PTBP2: variants seen among roughly 807,000 people sequenced by gnomAD.
PTBP2 encodes polypyrimidine tract-binding protein 2.
A neutral mutation model predicts 61.4 loss-of-function variants in PTBP2; 13 were observed. That is an observed-to-expected ratio of 0.21 (90% CI 0.14 to 0.34). The LOEUF (loss-of-function observed/expected upper bound fraction) is 0.34. Ranked by LOEUF, PTBP2 falls within the 10% of genes least tolerant of loss-of-function variation. The pLI, the probability that PTBP2 is intolerant of heterozygous loss-of-function variation, is 1.00. For synonymous variants in PTBP2, 215 were observed against 218.5 expected, an observed-to-expected ratio of 0.98 and a Z score of 0.14; for missense variants, 405 against 642.6, an observed-to-expected ratio of 0.63 and a Z score of 4.00.
At chr1:96,766,082 G>A (rs1656671724) in intron 3 of PTBP2, among the ~76,000 whole-genome samples, 1 of 152,166 alleles carries the variant, frequency 6.6e-6, no homozygotes, top group Non-Finnish European at 1.5e-5. Flanking sequence ...GTCAGCAGGA[G>A]AAAAGTGATG....
downstream of PTBP2, chr1:96,816,947 T>G (rs138608317): frequency 1.3e-5 from 2 of 152,278 alleles, no homozygotes; most frequent in African/African-American, 4.8e-5. Context: ...TAATATGTCT[T>G]TTTGCTACAA....
intron 3 of PTBP2, among the ~76,000 whole-genome samples, chr1:96,762,795 G>A (rs371271380): frequency 5.9e-5 from 9 of 151,866 alleles, no homozygotes; most frequent in Admixed American, 2.6e-4. Context: ...CGTGGCTGCC[G>A]GGCGGAGGGG....
At chr1:96,811,826 A>G (rs1191675908) in intron 11 of PTBP2, among the ~76,000 whole-genome samples, 4 of 152,246 alleles carry the variant, frequency 2.6e-5, no homozygotes, top group African/African-American at 9.6e-5. Flanking sequence ...TGACTGGTGA[A>G]TAAAACATAT....
chr1:96,806,288 A>C, intron 9 of PTBP2, 131 bp from the exon 10 acceptor site: 2 of 788,126 alleles, frequency 2.5e-6, no homozygotes, highest in Non-Finnish European at 4.4e-6. Context: ...AACCGCCTTG[A>C]ACCATGATCC....
At chr1:96,818,040 G>A (rs1214419059), downstream of PTBP2, 3 of 151,956 alleles carry the variant, frequency 2.0e-5, no homozygotes, top group Non-Finnish European at 4.4e-5. Flanking sequence ...TGTAAACAAG[G>A]AGCTATATCA....
intron 2 of PTBP2, among the ~76,000 whole-genome samples, chr1:96,739,313 AC>A (rs1207480648): frequency 6.6e-6 from 1 of 152,136 alleles, no homozygotes; most frequent in Non-Finnish European, 1.5e-5. Context: ...GTACAAAAAA[AC>A]ACATAAAATT....
At chr1:96,734,665 G>A (rs529259916) in intron 2 of PTBP2, among the ~76,000 whole-genome samples, 5 of 151,718 alleles carry the variant, frequency 3.3e-5, no homozygotes, top group African/African-American at 1.2e-4. Context: ...TACTGATTGC[G>A]TTATGATTTT....
chr1:96,752,350 A>G (rs751680145), intron 3 of PTBP2, among the ~76,000 whole-genome samples: 3 of 152,136 alleles, frequency 2.0e-5, no homozygotes, highest in Non-Finnish European at 4.4e-5. Context: ...TATATTTGGC[A>G]ATAAAAGGAT....
intron 2 of PTBP2, among the ~76,000 whole-genome samples, chr1:96,728,402 T>C (rs1650893794): frequency 6.6e-6 from 1 of 152,234 alleles, no homozygotes; most frequent in African/African-American, 2.4e-5. Context: ...TGGTTTTGCA[T>C]GGGGATATCC....
intron 5 of PTBP2, among the ~76,000 whole-genome samples, chr1:96,773,772 C>G (rs868114006): frequency 1.3e-5 from 2 of 151,366 alleles, no homozygotes; most frequent in Non-Finnish European, 2.9e-5. Flanking sequence ...GTCAGGAGAT[C>G]GAGACCATGG....
At chr1:96,739,763 G>A (rs760157631) in intron 2 of PTBP2, among the ~76,000 whole-genome samples, 2 of 150,278 alleles carry the variant, frequency 1.3e-5, no homozygotes, top group Non-Finnish European at 3.0e-5. Context: ...ACAGGCGCCC[G>A]CCACCACGCC....
chr1:96,784,668 C>A (rs1659035310), intron 7 of PTBP2, among the ~76,000 whole-genome samples: 1 of 152,048 alleles, frequency 6.6e-6, no homozygotes, highest in Non-Finnish European at 1.5e-5. Flanking sequence ...ATAAGTACTG[C>A]CATCCAGCAA....
intron 3 of PTBP2, among the ~76,000 whole-genome samples, chr1:96,758,305 C>T (rs1484858456): frequency 6.6e-6 from 1 of 151,946 alleles, no homozygotes; most frequent in East Asian, 1.9e-4. Context: ...AAAGATTACT[C>T]TAGTCATAGA....
intron 2 of PTBP2, among the ~76,000 whole-genome samples, chr1:96,726,771 G>A (rs1439979847): frequency 1.3e-5 from 2 of 152,100 alleles, no homozygotes; most frequent in Non-Finnish European, 2.9e-5. Context: ...TTTTAGTAGA[G>A]ACAGGGTTTC....
chr1:96,743,616 G>C (rs755655065), intron 2 of PTBP2, among the ~76,000 whole-genome samples: 15 of 152,028 alleles, frequency 9.9e-5, no homozygotes, highest in Non-Finnish European at 1.8e-4. Flanking sequence ...TTGGTCATAC[G>C]TAAGTACCTT....
chr1:96,771,760 T>C (rs1466720653), intron 5 of PTBP2, among the ~76,000 whole-genome samples: 1 of 152,206 alleles, frequency 6.6e-6, no homozygotes, highest in Non-Finnish European at 1.5e-5. Context: ...TAATTGTTTA[T>C]ACTTATGGTG....
downstream of PTBP2, chr1:96,816,683 T>G (rs1359696990): frequency 6.6e-6 from 1 of 152,174 alleles, no homozygotes; most frequent in Non-Finnish European, 1.5e-5. Context: ...ATTATGGTGA[T>G]TAGCTTAATT....
At chr1:96,784,939 C>G (rs1318316673) in intron 7 of PTBP2, 120 bp from the exon 8 acceptor site, 7 of 766,384 alleles carry the variant, frequency 9.1e-6, no homozygotes, top group Non-Finnish European at 1.2e-5. Flanking sequence ...AAATTTGAAT[C>G]CTTTTCCTGG....
chr1:96,804,872 G>A lies in PTBP2; in HGVS notation c.977G>A (p.Arg326Gln), dbSNP rs371636181. 9.9e-6 allele frequency: 16 copies of A among 1,611,974 alleles called. No individual in the cohort carries two copies. The highest frequency in any genetic ancestry group is 1.3e-5 in the Non-Finnish European group (15 of 1,178,938). ...GCAGCTGCTGCAGCTGCTGCTGGCC[G>A]AGTGGGTATGCCTGGAGTCTCAGCT... ...AAAAAAAAAG[R>Q]VGMPGVSAGG... is the part of the protein sequence containing the mutation. The change falls in exon 9 of 14, where the codon CGA (arginine) becomes CAA (glutamine). Residue 326 changes from arginine to glutamine, a missense_variant. By Grantham distance (43) the Arg-to-Gln change is conservative (BLOSUM62 1). This residue lies in a region of PTBP2 where 342 missense variants were observed against 491.2 expected (regional missense o/e 0.70). Transcript: ENST00000674951.
Sources: gnomAD v4.1 joint callset for allele counts (sites outside exome capture counted in the v4.1 genomes callset) on GRCh38, gnomAD v4.1.1 for gene constraint, gnomAD v4.1.1 regional missense constraint, MANE v1.5 for transcripts, NCBI Gene and HGNC (gene_info 2026-07-23, HGNC 2026-07-21) for gene names.